The following KDM2A variants were observed in gnomAD, a reference collection of about 807,000 sequenced individuals.
KDM2A encodes lysine demethylase 2A.
Under a neutral mutation model 137.3 loss-of-function variants are expected in KDM2A, and 3 were observed. That is an observed-to-expected ratio of 0.02 (90% CI 0.01 to 0.06). KDM2A has a LOEUF of 0.06. Ranked by LOEUF, KDM2A falls within the 10% of genes least tolerant of loss-of-function variation. The pLI is 1.00. For synonymous variants in KDM2A, 512 were observed against 541.5 expected, an observed-to-expected ratio of 0.95 and a Z score of 0.76; for missense variants, 738 against 1,510.6, an observed-to-expected ratio of 0.49 and a Z score of 8.48.
intron 2 of KDM2A, among the ~76,000 whole-genome samples, chr11:67,126,632 C>T (rs900539700): frequency 6.7e-6 from 1 of 148,464 alleles, no homozygotes; most frequent in Non-Finnish European, 1.5e-5. Flanking sequence ...TGCTTGAACT[C>T]GGGAGGTGGA....
chr11:67,255,515 TCA>T lies in KDM2A; in HGVS notation c.*464_*465del, dbSNP rs1382476020. The T allele has an allele frequency of 2.2e-6, 1 of 457,046 alleles. No homozygotes were observed. Among genetic ancestry groups the T allele is most frequent in the Non-Finnish European group, 4.4e-6 (1 of 227,300 alleles). The allele number at this position is 457,046 out of a possible 1,614,324, so 28.3% of individuals were successfully genotyped here. On this transcript the variant is annotated 3_prime_UTR_variant, in exon 21 of 21. Transcript: ENST00000529006. ...GTGTCCAGTGCGCGTCTCTCCTCCA[TCA>T]CACTCTCCCGGCTTGCGCAGGAGGG... is the stretch of plus-strand genomic sequence containing the variant.
At chr11:67,222,771 T>TA (rs1485213316) in intron 10 of KDM2A, among the ~76,000 whole-genome samples, 1 of 149,258 alleles carries the variant, frequency 6.7e-6, no homozygotes, top group Non-Finnish European at 1.5e-5. Flanking sequence ...AGATGACTCT[T>TA]ACACCTGGGT....
intron 2 of KDM2A, among the ~76,000 whole-genome samples, chr11:67,154,909 C>CAA (rs1321347717): frequency 9.2e-5 from 14 of 152,350 alleles, no homozygotes. Flanking sequence ...TTTGCTTATT[C>CAA]ATTCAGCCAC....
intron 2 of KDM2A, among the ~76,000 whole-genome samples, chr11:67,157,095 C>T (rs868307064): frequency 1.3e-5 from 2 of 151,882 alleles, no homozygotes; most frequent in African/African-American, 2.4e-5. Flanking sequence ...GGGCCGATCA[C>T]GAGGTCAGGA....
intron 12 of KDM2A, among the ~76,000 whole-genome samples, chr11:67,237,963 A>G (rs1251624304): frequency 6.6e-6 from 1 of 152,116 alleles, no homozygotes; most frequent in African/African-American, 2.4e-5. Context: ...ATATTTATTT[A>G]TACAAATAAA....
chr11:67,254,751 G>C lies in KDM2A; in HGVS notation c.3308-123G>C. On this transcript the variant is annotated intron_variant, in intron 20 of 20. Coordinates refer to ENST00000529006, the MANE Select transcript of KDM2A (RefSeq NM_012308.3). This position sits in a 1 kb window ranked among gnomAD's most constrained non-coding sequence, Gnocchi z 4.7. The stretch of plus-strand genomic sequence containing the variant: ...GATGGCACTTCTGGTCTCTGAGCCA[G>C]GTAGTTGTGGGACAAAGAGGGCTTT... The C allele has an allele frequency of 1.1e-6, 1 of 886,912 alleles. No individual in the cohort carries two copies. The highest frequency in any genetic ancestry group is 1.7e-6 in the Non-Finnish European group (1 of 576,170). The allele number at this position is 886,912 out of a possible 1,614,324, so 54.9% of individuals were successfully genotyped here. A position where few individuals can be genotyped will look rare whatever the true frequency, so the allele number is the denominator to read the frequency against.
chr11:67,227,059 A>G (rs1359701393), intron 10 of KDM2A, among the ~76,000 whole-genome samples: 1 of 152,218 alleles, frequency 6.6e-6, no homozygotes, highest in Admixed American at 6.5e-5. Context: ...ACTGTGATAT[A>G]TCTAAAGAGT....
Position 67,231,658 on chromosome 11 carries a change from A to G in KDM2A, c.1177A>G (p.Thr393Ala). ...CTTGAGCAGCAGGCGTTCTGTCCTC[A>G]CTAGCCCTGTAGCGAATGGAGTCAA... ...RRLSSRRSVL[T>A]SPVANGVNLD... Residue 393 changes from threonine (T) to alanine (A), a missense_variant, in exon 12 of 21, where the codon ACT becomes GCT. By Grantham distance (58) the Thr-to-Ala change is moderately conservative (BLOSUM62 0). This residue lies in a region of KDM2A where 113 missense variants were observed against 133.5 expected (regional missense o/e 0.85). Coordinates refer to ENST00000529006, the MANE Select transcript of KDM2A (RefSeq NM_012308.3). 6.2e-7 allele frequency: 1 copy of G among 1,613,782 alleles called. No homozygotes were observed. The highest frequency in any genetic ancestry group is 8.5e-7 in the Non-Finnish European group (1 of 1,179,792).
At chr11:67,148,983 A>C (rs1345189684) in intron 2 of KDM2A, 1 of 152,172 alleles carries the variant, frequency 6.6e-6, no homozygotes, top group Non-Finnish European at 1.5e-5. Flanking sequence ...TTGGGTTGTT[A>C]TAACATGTTT....
chr11:67,173,270 G>T (rs1856914246), intron 2 of KDM2A, among the ~76,000 whole-genome samples: 1 of 152,220 alleles, frequency 6.6e-6, no homozygotes, highest in African/African-American at 2.4e-5. Context: ...TTCCAGGCAT[G>T]CGCCACCATG....
rs1855558276 is a variant in KDM2A at position 67,119,915 on chromosome 11, G to C, written c.-218G>C. On this transcript the variant is annotated 5_prime_UTR_variant, in exon 1 of 21. Transcript: ENST00000529006. ...CAGCAACTGTTTGCTCCCTTTTCCT[G>C]GTCGCTCTGACCCTCTCTGGATACT... 6.6e-6 allele frequency: 1 copy of C among 152,252 alleles called. No individual in the cohort carries two copies. Among genetic ancestry groups the C allele is most frequent in the African/African-American group, 2.4e-5 (1 of 41,460 alleles). 9.4% of individuals were successfully genotyped at this position (152,252 alleles called of 1,614,324 possible).
intron 15 of KDM2A, among the ~76,000 whole-genome samples, chr11:67,246,871 A>G (rs951591205): frequency 7.9e-5 from 12 of 151,810 alleles, no homozygotes; most frequent in East Asian, 3.9e-4. Context: ...TAGCAAATCT[A>G]TAACAGAAAC....
At chr11:67,177,335 G>A (rs1360093636) in intron 2 of KDM2A, among the ~76,000 whole-genome samples, 1 of 151,992 alleles carries the variant, frequency 6.6e-6, no homozygotes, top group African/African-American at 2.4e-5. Context: ...ATATACTTTT[G>A]AACATTTTCT....
intron 2 of KDM2A, among the ~76,000 whole-genome samples, chr11:67,170,761 C>T (rs1342610356): frequency 2.6e-5 from 4 of 152,062 alleles, no homozygotes; most frequent in South Asian, 4.1e-4. Context: ...TGACTGGTCC[C>T]ACCACTACAC....
chr11:67,191,605 A>G (rs568238053), intron 5 of KDM2A, among the ~76,000 whole-genome samples: 1 of 152,206 alleles, frequency 6.6e-6, no homozygotes, highest in Admixed American at 6.5e-5. Flanking sequence ...GATCATCTCA[A>G]TTGACACAGA....
rs1424552094 is a variant in KDM2A, at chr11:67,125,963, AG to A, written c.42+4607del. On this transcript the variant is annotated intron_variant, in intron 2 of 20. Coordinates refer to ENST00000529006, the MANE Select transcript of KDM2A (RefSeq NM_012308.3). ...ACCTCAAAAAAAAAAAAAAAAAAAA[AG>A]GCCAGGCACAGTGTCTCACGCCTGT... is the stretch of plus-strand genomic sequence containing the variant. 7.2e-5 allele frequency among the ~76,000 whole-genome samples: 10 copies of A among 138,056 alleles called. 1 individual carries two copies. Among genetic ancestry groups the A allele is most frequent in the Admixed American group, 5.2e-4 (7 of 13,560 alleles). 90.6% of individuals were successfully genotyped at this position (138,056 alleles called of 152,430 possible).
In KDM2A at chr11:67,245,690, T is replaced by C; in HGVS notation, c.1833+232T>C. The C allele has an allele frequency of 3.3e-6, 2 of 614,614 alleles. No individual in the cohort carries two copies. The highest frequency in any genetic ancestry group is 2.8e-5 in the East Asian group (1 of 35,436). The allele number at this position is 614,614 out of a possible 1,614,324, so 38.1% of individuals were successfully genotyped here. ...TAATTTTCAAACAAGAGATTAGCATTTGAAGGGCAAATCATTGCTTTCTTT... is the reference window on the plus strand; with the variant it reads ...TAATTTTCAAACAAGAGATTAGCATCTGAAGGGCAAATCATTGCTTTCTTT... On this transcript the variant is annotated intron_variant, in intron 14 of 20. Transcript: ENST00000529006. This position sits in a 1 kb window ranked among gnomAD's most constrained non-coding sequence, Gnocchi z 4.1.
intron 8 of KDM2A, 115 bp from the exon 9 acceptor site, chr11:67,217,616 A>G (rs1858209614): frequency 1.0e-6 from 1 of 1,003,256 alleles, no homozygotes; most frequent in South Asian, 1.5e-5. Flanking sequence ...AGGCTGGGAA[A>G]ATTGCTTGCC....
At chr11:67,167,863 G>T (rs944927097) in intron 2 of KDM2A, among the ~76,000 whole-genome samples, 9 of 152,076 alleles carry the variant, frequency 5.9e-5, no homozygotes, top group Non-Finnish European at 8.8e-5. Context: ...ATTTATCACT[G>T]CATCTTCTTT....
Sources: allele counts gnomAD v4.1 joint callset (sites outside exome capture counted in the v4.1 genomes callset), GRCh38; gene constraint gnomAD v4.1.1; regional missense constraint gnomAD v4.1.1; non-coding constraint Gnocchi (gnomAD v3.1); transcripts MANE v1.5; gene names NCBI Gene and HGNC (gene_info 2026-07-23, HGNC 2026-07-21).